The following GGNBP2 variants were observed in gnomAD, a reference collection of about 807,000 sequenced individuals.
GGNBP2 encodes gametogenetin binding protein 2.
A neutral mutation model predicts 85.9 loss-of-function variants in GGNBP2; 10 were observed. That is an observed-to-expected ratio of 0.12 (90% CI 0.07 to 0.20). The LOEUF (loss-of-function observed/expected upper bound fraction) is 0.20. GGNBP2 is among the 10% of genes least tolerant of loss of function. The pLI, the probability that GGNBP2 is intolerant of heterozygous loss-of-function variation, is 1.00. For synonymous variants in GGNBP2, 287 were observed against 285.7 expected, an observed-to-expected ratio of 1.00 and a Z score of -0.05; for missense variants, 595 against 857.8, an observed-to-expected ratio of 0.69 and a Z score of 3.83.
At chr17:36,562,448 C>T (rs1459755943) in intron 5 of GGNBP2, among the ~76,000 whole-genome samples, 2 of 151,338 alleles carry the variant, frequency 1.3e-5, no homozygotes, top group South Asian at 2.1e-4. Context: ...GGATTACAGG[C>T]GTGAGCCACT....
intron 7 of GGNBP2, 39 bp downstream of exon 7, chr17:36,578,225 C>T: frequency 1.4e-6 from 2 of 1,454,344 alleles, no homozygotes; most frequent in Non-Finnish European, 1.9e-6. Context: ...CTATCTAGCG[C>T]TTTGCTTCAT....
chr17:36,575,000 T>G, intron 6 of GGNBP2: 2 of 1,532,478 alleles, frequency 1.3e-6, no homozygotes, highest in Non-Finnish European at 1.8e-6. Flanking sequence ...ACGGGTCTGC[T>G]TCTGCACTGG....
At chr17:36,545,278 CG>C (rs1424424878) in intron 1 of GGNBP2, among the ~76,000 whole-genome samples, 181 bp downstream of exon 1, 2 of 149,368 alleles carry the variant, frequency 1.3e-5, no homozygotes, top group African/African-American at 2.5e-5. Context: ...CGGCGGGCGG[CG>C]GGGAACAGGC....
chr17:36,586,679 C>T (rs530275302), intron 12 of GGNBP2: 3 of 308,764 alleles, frequency 9.7e-6, no homozygotes, highest in African/African-American at 6.4e-5. Context: ...AGTACAGTGG[C>T]ATAATCTTGG....
chr17:36,558,391 G>A (rs2074384003), intron 4 of GGNBP2, among the ~76,000 whole-genome samples: 2 of 110,256 alleles, frequency 1.8e-5, no homozygotes, highest in African/African-American at 7.5e-5. Flanking sequence ...TCCAGCCTGG[G>A]CAACAAGAGT....
At chr17:36,565,680 G>A (rs1271071208) in intron 5 of GGNBP2, among the ~76,000 whole-genome samples, 2 of 152,042 alleles carry the variant, frequency 1.3e-5, no homozygotes, top group African/African-American at 4.8e-5. Context: ...GGCAGATCAC[G>A]AGGTCAGGAG....
intron 6 of GGNBP2, among the ~76,000 whole-genome samples, chr17:36,572,176 CAT>C (rs2074532321): frequency 6.6e-6 from 1 of 152,082 alleles, no homozygotes. Flanking sequence ...TACAATCAAA[CAT>C]ATATTAAACT....
intron 5 of GGNBP2, among the ~76,000 whole-genome samples, chr17:36,563,182 C>G (rs2074436555): frequency 6.6e-6 from 1 of 151,998 alleles, no homozygotes; most frequent in African/African-American, 2.4e-5. Context: ...AGGAGAATCG[C>G]TTGAATCCAG....
At chr17:36,559,836 CTTAT>C (rs1432145699) in intron 4 of GGNBP2, among the ~76,000 whole-genome samples, 3 of 151,950 alleles carry the variant, frequency 2.0e-5, no homozygotes, top group Non-Finnish European at 4.4e-5. Flanking sequence ...TTTATTCTAT[CTTAT>C]TTATTAATTT....
chr17:36,575,997 G>A lies in GGNBP2; in HGVS notation c.642-1986G>A, dbSNP rs556300967. On this transcript the variant is annotated intron_variant, in intron 6 of 13. Transcript: ENST00000613102. Reference sequence around the variant, plus strand: ...TTATCTACTATTGGTCCAGCAAAACGTGTGTGCATGAAACAAAGATATGGC... The same window carrying A: ...TTATCTACTATTGGTCCAGCAAAACATGTGTGCATGAAACAAAGATATGGC... Among the ~76,000 whole-genome samples the A allele has an allele frequency of 8.6e-5, 13 of 150,484 alleles. No individual in the cohort carries two copies. In the East Asian group the frequency reaches 1.8e-3, roughly 21 times the overall value.
intron 6 of GGNBP2, among the ~76,000 whole-genome samples, chr17:36,572,146 TTTAC>T (rs1382978930): frequency 1.3e-5 from 2 of 152,110 alleles, no homozygotes; most frequent in East Asian, 2.0e-4. Context: ...TAACTTGCTA[TTTAC>T]TTATGCTTAT....
intron 6 of GGNBP2, among the ~76,000 whole-genome samples, chr17:36,572,394 T>C (rs574983709): frequency 3.0e-4 from 45 of 152,288 alleles, no homozygotes; most frequent in African/African-American, 1.1e-3. Context: ...ATGTGTATAT[T>C]TTAAAAGAAC....
intron 6 of GGNBP2, 46 bp downstream of exon 6, chr17:36,567,822 T>C: frequency 1.0e-6 from 1 of 992,176 alleles, no homozygotes; most frequent in Non-Finnish European, 1.6e-6. Context: ...GTGCCTTATG[T>C]GTCAGTCACC....
At chr17:36,559,025 C>T (rs921519712) in intron 4 of GGNBP2, among the ~76,000 whole-genome samples, 3 of 151,978 alleles carry the variant, frequency 2.0e-5, no homozygotes, top group Non-Finnish European at 4.4e-5. Flanking sequence ...ACAGGCCTTG[C>T]GTGGTTGCTC....
chr17:36,545,730 G>A lies in GGNBP2; in HGVS notation c.6G>A (p.Ala2=). M[A]RLVAVCRDGE... is the part of the protein sequence containing the mutation. ...CAACGGCAGCGTCGGGGACGATGGC[G>A]CGACTCGTGGCAGTGTGCAGGGACG... Residue 2 remains alanine (A), a synonymous_variant, in exon 2 of 14, where the codon GCG becomes GCA. Transcript: ENST00000613102. The A allele has an allele frequency of 1.3e-6, 2 of 1,569,164 alleles. No homozygotes were observed. The highest frequency in any genetic ancestry group is 8.6e-7 in the Non-Finnish European group (1 of 1,157,836).
intron 5 of GGNBP2, among the ~76,000 whole-genome samples, chr17:36,563,916 G>C (rs1343308354): frequency 6.6e-6 from 1 of 151,962 alleles, no homozygotes; most frequent in Non-Finnish European, 1.5e-5. Context: ...GCTAATTTTT[G>C]TATTTTTAGT....
chr17:36,586,224 A>T, intron 12 of GGNBP2, 26 bp downstream of exon 12: 1 of 1,603,196 alleles, frequency 6.2e-7, no homozygotes, highest in African/African-American at 1.3e-5. Flanking sequence ...TGTAATTCTT[A>T]AACCTTTGCT....
intron 12 of GGNBP2, chr17:36,586,469 G>GT (rs1198157394): frequency 4.6e-6 from 2 of 437,086 alleles, no homozygotes; most frequent in Non-Finnish European, 8.3e-6. Flanking sequence ...TAAACAATTT[G>GT]TTTAGTCCCT....
intron 6 of GGNBP2, among the ~76,000 whole-genome samples, chr17:36,568,707 TAA>T (rs147534536): frequency 0.011 from 1,666 of 152,290 alleles, 22 homozygotes; most frequent in African/African-American, 0.038. Context: ...TTTGTTACTA[TAA>T]AAGTAACTTC....
Sources: gnomAD v4.1 joint callset for allele counts (sites outside exome capture counted in the v4.1 genomes callset) on GRCh38, gnomAD v4.1.1 for gene constraint, MANE v1.5 for transcripts, NCBI Gene and HGNC (gene_info 2026-07-23, HGNC 2026-07-21) for gene names.